The following SDHB variants were observed in gnomAD, a reference collection of about 807,000 sequenced individuals.
SDHB encodes the protein succinate dehydrogenase complex iron sulfur subunit B.
SDHB carries 21 observed loss-of-function variants against 39.7 expected under a neutral mutation model. The observed-to-expected ratio is 0.53, with a 90% CI of 0.37 to 0.76. The LOEUF (loss-of-function observed/expected upper bound fraction) is 0.76, where lower values mean the gene tolerates loss of function less well. SDHB is among the 30% of genes least tolerant of loss of function. The pLI, the probability that SDHB is intolerant of heterozygous loss-of-function variation, is 0.00. For synonymous variants in SDHB, 118 were observed against 117.0 expected (o/e 1.01, Z -0.06); for missense variants, 343 against 350.9 (o/e 0.98, Z 0.18).
At chr1:17,044,071 A>AT (rs1206089597) in intron 2 of SDHB, among the ~76,000 whole-genome samples, 1 of 120,500 alleles carries the variant, frequency 8.3e-6, no homozygotes, top group African/African-American at 2.5e-5. Flanking sequence ...CGCCAGTCCA[A>AT]TTTTTAACAT....
intron 2 of SDHB, among the ~76,000 whole-genome samples, chr1:17,042,160 C>T (rs1254224009): frequency 1.3e-5 from 2 of 152,164 alleles, no homozygotes; most frequent in East Asian, 3.9e-4. Flanking sequence ...GCTGGGATTA[C>T]AGGCATGAGC....
intron 2 of SDHB, among the ~76,000 whole-genome samples, chr1:17,040,498 A>C (rs2078073866): frequency 6.6e-6 from 1 of 152,168 alleles, no homozygotes; most frequent in Non-Finnish European, 1.5e-5. Flanking sequence ...TCTGCTGCCC[A>C]GGTTGGAGTA....
intron 1 of SDHB, among the ~76,000 whole-genome samples, chr1:17,049,881 G>T (rs185844074): frequency 6.6e-6 from 1 of 151,762 alleles, no homozygotes; most frequent in African/African-American, 2.4e-5. Flanking sequence ...TCCTGATGTC[G>T]TGATCCACCT....
intron 7 of SDHB, 112 bp from the exon 8 acceptor site, chr1:17,019,070 A>C: frequency 1.2e-6 from 1 of 825,734 alleles, no homozygotes. Context: ...AAGCAAGGTG[A>C]ATGCAAATCA....
intron 6 of SDHB, chr1:17,022,940 T>A: frequency 1.7e-6 from 1 of 584,576 alleles, no homozygotes; most frequent in Non-Finnish European, 3.1e-6. Context: ...AAACCTTTGA[T>A]CCATACTGCA....
intron 3 of SDHB, among the ~76,000 whole-genome samples, chr1:17,031,918 T>C (rs1256330150): frequency 6.6e-6 from 1 of 152,102 alleles, no homozygotes; most frequent in Non-Finnish European, 1.5e-5. Context: ...CTTGTGGAAG[T>C]CCATTACCCT....
intron 7 of SDHB, among the ~76,000 whole-genome samples, chr1:17,021,028 AC>A (rs1212430660): frequency 1.3e-5 from 2 of 152,046 alleles, no homozygotes; most frequent in Non-Finnish European, 2.9e-5. Context: ...GAGTGAAATC[AC>A]CCACAGTCTT....
intron 5 of SDHB, among the ~76,000 whole-genome samples, chr1:17,027,401 T>C (rs1252962189): frequency 1.3e-5 from 2 of 152,226 alleles, no homozygotes; most frequent in African/African-American, 4.8e-5. Context: ...AGCATATGTG[T>C]TTCATTTTGC....
intron 3 of SDHB, among the ~76,000 whole-genome samples, chr1:17,029,093 GTTTTTTTT>G (rs746243819): frequency 3.5e-3 from 254 of 72,028 alleles, no homozygotes; most frequent in Middle Eastern, 0.017. Context: ...AAATCAGCCT[GTTTTTTTT>G]TTTTTTTTTT....
chr1:17,053,354 C>G (rs1232968078), intron 1 of SDHB, among the ~76,000 whole-genome samples: 1 of 152,152 alleles, frequency 6.6e-6, no homozygotes, highest in African/African-American at 2.4e-5. Flanking sequence ...GGTGACACTG[C>G]TTTAAGGAAC....
At chr1:17,042,171 C>T (rs1473067006) in intron 2 of SDHB, among the ~76,000 whole-genome samples, 1 of 152,192 alleles carries the variant, frequency 6.6e-6, no homozygotes, top group African/African-American at 2.4e-5. Context: ...AGGCATGAGC[C>T]AATGCACCCA....
At chr1:17,049,963 A>G (rs963543886) in intron 1 of SDHB, among the ~76,000 whole-genome samples, 1 of 152,052 alleles carries the variant, frequency 6.6e-6, no homozygotes, top group Non-Finnish European at 1.5e-5. Flanking sequence ...CCCTAGTTCT[A>G]AAGCCTGATT....
chr1:17,049,846 C>T (rs892378619), intron 1 of SDHB, among the ~76,000 whole-genome samples: 2 of 150,292 alleles, frequency 1.3e-5, no homozygotes, highest in African/African-American at 4.9e-5. Context: ...GGGGTTTCAC[C>T]GTTTTAGCCA....
At chr1:17,041,560 G>A (rs1297579360) in intron 2 of SDHB, among the ~76,000 whole-genome samples, 7 of 152,042 alleles carry the variant, frequency 4.6e-5, no homozygotes, top group Non-Finnish European at 7.4e-5. Context: ...TACTCAGGAG[G>A]CTGAGGCAAG....
chr1:17,020,643 C>A (rs1002561108), intron 7 of SDHB, among the ~76,000 whole-genome samples: 6 of 152,232 alleles, frequency 3.9e-5, no homozygotes, highest in Non-Finnish European at 8.8e-5. Flanking sequence ...CTGTCTCAAA[C>A]AAGCCCAGTA....
intron 4 of SDHB, 85 bp downstream of exon 4, chr1:17,028,515 C>A: frequency 2.1e-6 from 3 of 1,445,118 alleles, no homozygotes; most frequent in Non-Finnish European, 2.9e-6. Context: ...CAAACAAATC[C>A]TGCCCTGAAA....
At chr1:17,051,059 A>G (rs2078144284) in intron 1 of SDHB, among the ~76,000 whole-genome samples, 1 of 152,244 alleles carries the variant, frequency 6.6e-6, no homozygotes, top group Non-Finnish European at 1.5e-5. Context: ...CAGTGGTGAA[A>G]ACGCAAACAT....
chr1:17,035,467 T>C (rs1557743560), intron 2 of SDHB, among the ~76,000 whole-genome samples: 1 of 152,192 alleles, frequency 6.6e-6, no homozygotes, highest in African/African-American at 2.4e-5. Flanking sequence ...TTTATTCTAA[T>C]GATCTGCCTG....
chr1:17,020,514 G>A (rs745573618), intron 7 of SDHB, among the ~76,000 whole-genome samples: 6 of 152,202 alleles, frequency 3.9e-5, no homozygotes, highest in Non-Finnish European at 8.8e-5. Flanking sequence ...GGCTGTCTCA[G>A]TTGTCTGCTG....
Sources: allele counts gnomAD v4.1 joint callset (sites outside exome capture counted in the v4.1 genomes callset), GRCh38; gene constraint gnomAD v4.1.1; transcripts MANE v1.5; gene names NCBI Gene and HGNC (gene_info 2026-07-23, HGNC 2026-07-21).